COL23A1: variants seen among roughly 807,000 people sequenced by gnomAD.
COL23A1 encodes the protein collagen alpha-1(XXIII) chain.
A neutral mutation model predicts 99.3 loss-of-function variants in COL23A1; 97 were observed. The observed-to-expected ratio is 0.98, with a 90% CI of 0.83 to 1.16. The LOEUF is 1.16. Among genes scored for constraint, COL23A1 ranks in the 50% most tolerant of loss-of-function variants. COL23A1 has a pLI of 0.00. For synonymous variants in COL23A1, 320 were observed against 308.2 expected (o/e 1.04, Z -0.40); for missense variants, 762 against 757.4 (o/e 1.01, Z -0.07).
intron 2 of COL23A1, among the ~76,000 whole-genome samples, chr5:178,345,567 A>G (rs962246176): frequency 6.6e-6 from 1 of 150,950 alleles, no homozygotes. Context: ...CCCAGGCTGG[A>G]GTGCAGTGGC....
intron 2 of COL23A1, among the ~76,000 whole-genome samples, chr5:178,464,013 C>T (rs1383185531): frequency 6.6e-6 from 1 of 152,236 alleles, no homozygotes; most frequent in East Asian, 1.9e-4. Context: ...TCCCCAACAC[C>T]AGTTGGCAGG....
chr5:178,378,449 G>C (rs957970454), intron 2 of COL23A1, among the ~76,000 whole-genome samples: 8 of 152,184 alleles, frequency 5.3e-5, no homozygotes, highest in African/African-American at 1.9e-4. Context: ...TGGCAAGAAG[G>C]GCAGGGCTGG....
At chr5:178,533,659 G>T (rs958371840) in intron 2 of COL23A1, among the ~76,000 whole-genome samples, 2 of 151,962 alleles carry the variant, frequency 1.3e-5, no homozygotes, top group African/African-American at 2.4e-5. Flanking sequence ...CACCACGCCC[G>T]GCTAATTTTT....
At chr5:178,245,680 C>T (rs999726069) in intron 25 of COL23A1, among the ~76,000 whole-genome samples, 9 of 152,080 alleles carry the variant, frequency 5.9e-5, no homozygotes, top group Non-Finnish European at 1.3e-4. Flanking sequence ...ATCGATTCAT[C>T]CTCCATTGTC....
At chr5:178,400,650 C>CT (rs70995002) in intron 2 of COL23A1, among the ~76,000 whole-genome samples, 43,078 of 147,780 alleles carry the variant, frequency 0.29, 6,971 homozygotes, top group South Asian at 0.46. Flanking sequence ...ATCTCCAGAA[C>CT]TTTTTTTTTT....
chr5:178,246,412 C>A lies in COL23A1; in HGVS notation c.1338G>T (p.Glu446Asp). The A allele has an allele frequency of 1.9e-6, 3 of 1,580,138 alleles. No individual in the cohort carries two copies. The highest frequency in any genetic ancestry group is 1.8e-5 in the Admixed American group (1 of 55,054). ...TCACAGGCAGGCCGCTGGGGCCTCT[C>A]TCACCCGACGCACCCTTCTCTCCCT... The part of the protein sequence containing the change: ...GAKGEKGASG[E>D]RGPSGLPGPV... The change falls in exon 23 of 29, where the codon GAG becomes GAT. Residue 446 changes from glutamate (E) to aspartate (D), a missense_variant. Glu to Asp is a conservative substitution (Grantham distance 45, BLOSUM62 2). Coordinates refer to ENST00000390654, the MANE Select transcript of COL23A1 (RefSeq NM_173465.4).
At chr5:178,373,143 A>G (rs1170064350) in intron 2 of COL23A1, among the ~76,000 whole-genome samples, 1 of 152,160 alleles carries the variant, frequency 6.6e-6, no homozygotes, top group Non-Finnish European at 1.5e-5. Flanking sequence ...CACAGGCTTA[A>G]CAAGACCCCA....
rs1283660400 is a variant in COL23A1 at position 178,313,857 on chromosome 5, C to T, written c.362-6938G>A. 2.6e-5 allele frequency among the ~76,000 whole-genome samples: 4 copies of T among 152,230 alleles called. No homozygotes were observed. The East Asian group carries it at 7.7e-4, about 29-fold the overall frequency. On this transcript the variant is annotated intron_variant, in intron 2 of 28. Transcript: ENST00000390654. The surrounding 1 kb of genome is among the most constrained non-coding windows in gnomAD (Gnocchi z 4.2). ...GTGCACCTTGAGCAGAGAAGGCAAGCGAGGTCCCTGGAAAAGAGCTTCCGA... is the reference window on the plus strand; with the variant it reads ...GTGCACCTTGAGCAGAGAAGGCAAGTGAGGTCCCTGGAAAAGAGCTTCCGA...
intron 2 of COL23A1, among the ~76,000 whole-genome samples, chr5:178,339,930 G>T (rs1760558790): frequency 6.6e-6 from 1 of 152,296 alleles, no homozygotes; most frequent in African/African-American, 2.4e-5. Flanking sequence ...TTTGCCTTAT[G>T]CAAGAATAAA....
In COL23A1 at chr5:178,487,205, C is replaced by T. The variant is rs142287340; in HGVS notation, c.361+73477G>A. Among the ~76,000 whole-genome samples, 733 of 152,272 alleles carry T rather than the reference C, an allele frequency of 4.8e-3. 7 individuals carry two copies. Among genetic ancestry groups the T allele is most frequent in the Non-Finnish European group, 4.3e-3 (292 of 68,014 alleles). ...CTCCAGGCTGGGGCCAGGTCCAAGT[C>T]CCAGTTGACACACTATCTCCAGCCC... On this transcript the variant is annotated intron_variant, in intron 2 of 28. Coordinates refer to ENST00000390654, the MANE Select transcript of COL23A1 (RefSeq NM_173465.4).
chr5:178,360,483 G>A (rs934647430), intron 2 of COL23A1, among the ~76,000 whole-genome samples: 2 of 152,182 alleles, frequency 1.3e-5, no homozygotes, highest in East Asian at 1.9e-4. Flanking sequence ...GGGGGGGGAT[G>A]GAGGGCTGCA....
intron 27 of COL23A1, among the ~76,000 whole-genome samples, chr5:178,240,078 G>A (rs911920403): frequency 2.0e-5 from 3 of 152,182 alleles, no homozygotes; most frequent in Non-Finnish European, 4.4e-5. Flanking sequence ...TGGGGGTTGG[G>A]GCTGGGCCTG....
intron 2 of COL23A1, among the ~76,000 whole-genome samples, chr5:178,496,151 A>T (rs564683340): frequency 2.0e-5 from 3 of 152,362 alleles, no homozygotes; most frequent in South Asian, 4.1e-4. Context: ...GCTGCCATCC[A>T]TAATATGAGG....
At chr5:178,459,901 T>C (rs1292394680) in intron 2 of COL23A1, among the ~76,000 whole-genome samples, 1 of 152,152 alleles carries the variant, frequency 6.6e-6, no homozygotes, top group Non-Finnish European at 1.5e-5. Context: ...TTCTGTCTTG[T>C]TATACGCACA....
At chr5:178,493,295 C>T (rs1056748083) in intron 2 of COL23A1, among the ~76,000 whole-genome samples, 2 of 152,246 alleles carry the variant, frequency 1.3e-5, no homozygotes, top group Non-Finnish European at 2.9e-5. Context: ...TCAGTCCACA[C>T]TGAACCCTGC....
intron 2 of COL23A1, among the ~76,000 whole-genome samples, chr5:178,416,220 A>C (rs546949643): frequency 1.6e-4 from 25 of 152,208 alleles, no homozygotes; most frequent in African/African-American, 5.3e-4. Context: ...TAATGTGTAA[A>C]ACATGATGAC....
Position 178,589,741 on chromosome 5 carries a change from C to T in COL23A1, c.294+163G>A, listed in dbSNP as rs916685377. ...CCTTGGGGCCGGCACCCCCTGCCTC[C>T]GCCTTGGCGCAGACGTGCCCATCTC... On this transcript the variant is annotated intron_variant, in intron 1 of 28. Coordinates refer to ENST00000390654, the MANE Select transcript of COL23A1 (RefSeq NM_173465.4). The surrounding 1 kb of genome is among the most constrained non-coding windows in gnomAD (Gnocchi z 5.4). Among the ~76,000 whole-genome samples the T allele has an allele frequency of 2.0e-5, 3 of 152,144 alleles. No homozygotes were observed. The highest frequency in any genetic ancestry group is 4.4e-5 in the Non-Finnish European group (3 of 68,018).
intron 3 of COL23A1, among the ~76,000 whole-genome samples, chr5:178,298,327 A>G (rs1439085548): frequency 6.6e-6 from 1 of 152,210 alleles, no homozygotes; most frequent in Non-Finnish European, 1.5e-5. Flanking sequence ...CCAGGTAAGC[A>G]GAGGTGCGTG....
At chr5:178,356,843 C>T (rs1031745585) in intron 2 of COL23A1, among the ~76,000 whole-genome samples, 2 of 152,068 alleles carry the variant, frequency 1.3e-5, no homozygotes, top group African/African-American at 4.8e-5. Flanking sequence ...CCTCAGGAAC[C>T]CTGGTGCTGG....
Sources: allele counts gnomAD v4.1 joint callset (sites outside exome capture counted in the v4.1 genomes callset), GRCh38; gene constraint gnomAD v4.1.1; non-coding constraint Gnocchi (gnomAD v3.1); transcripts MANE v1.5; gene names NCBI Gene and HGNC (gene_info 2026-07-23, HGNC 2026-07-21).